Variants in DMD observed in about 807,000 individuals in gnomAD.
DMD encodes the protein mutant dystrophin.
In DMD, 63 loss-of-function variants were observed where a neutral mutation model predicts 330.1. The ratio of observed to expected loss-of-function variants is 0.19; its 90% CI spans 0.16 to 0.24. The LOEUF (loss-of-function observed/expected upper bound fraction) is 0.24, where lower values mean the gene tolerates loss of function less well. Ranked by LOEUF, DMD falls within the 10% of genes least tolerant of loss-of-function variation. DMD has a pLI of 1.00. For missense variants in DMD, 3,344 were observed against 2,684.1 expected (o/e 1.25, Z -5.43); for synonymous variants, 1,223 against 959.8 (o/e 1.27, Z -5.07).
chrX:32,550,869 A>C (rs748976529), intron 16 of DMD, among the ~76,000 whole-genome samples: 13 of 111,377 alleles, frequency 1.2e-4, no homozygotes, highest in Admixed American at 3.8e-4. Context: ...CCCTATGCAC[A>C]CAAGCTAGAA....
intron 1 of DMD, among the ~76,000 whole-genome samples, chrX:33,226,696 TG>T (rs2052296875): frequency 9.0e-6 from 1 of 111,063 alleles, no homozygotes; most frequent in Admixed American, 9.6e-5. Context: ...TCTATAGTTC[TG>T]TGACTTTACC....
At chrX:33,009,743 CAT>C (rs1307342377) in intron 2 of DMD, among the ~76,000 whole-genome samples, 3 of 46,799 alleles carry the variant, frequency 6.4e-5, no homozygotes, top group Non-Finnish European at 1.1e-4. Context: ...TATATACACA[CAT>C]ATGTGTATAT....
intron 56 of DMD, among the ~76,000 whole-genome samples, chrX:31,497,828 A>G (rs1424156919): frequency 1.8e-5 from 2 of 112,473 alleles, no homozygotes; most frequent in African/African-American, 6.4e-5. Flanking sequence ...TAAATTAGAA[A>G]TTATGCTCAA....
chrX:32,825,223 T>C (rs1333155082), intron 4 of DMD, among the ~76,000 whole-genome samples: 3 of 111,463 alleles, frequency 2.7e-5, no homozygotes, highest in Non-Finnish European at 5.7e-5. Context: ...GGTAGATACG[T>C]TTTGGGTTGC....
At chrX:31,208,365 T>C (rs752761348) in intron 65 of DMD, among the ~76,000 whole-genome samples, 2 of 112,197 alleles carry the variant, frequency 1.8e-5, no homozygotes, top group Non-Finnish European at 3.8e-5. Flanking sequence ...GGAGTTAAAA[T>C]TGTCACCAAA....
chrX:31,319,874 T>C (rs991390049), intron 62 of DMD, among the ~76,000 whole-genome samples: 3 of 112,422 alleles, frequency 2.7e-5, no homozygotes, highest in African/African-American at 9.7e-5. Context: ...TATGGGAGCA[T>C]GCAACATAAA....
chrX:32,042,162 C>T (rs2096014420), intron 44 of DMD, among the ~76,000 whole-genome samples: 1 of 59,951 alleles, frequency 1.7e-5, no homozygotes, highest in East Asian at 4.3e-4. Flanking sequence ...TACATATACA[C>T]ACATATGTAT....
intron 2 of DMD, among the ~76,000 whole-genome samples, chrX:32,916,572 G>A (rs1426990835): frequency 9.0e-6 from 1 of 111,196 alleles, no homozygotes; most frequent in Non-Finnish European, 1.9e-5. Context: ...TTGTCTCTCT[G>A]GATAATATAT....
intron 34 of DMD, among the ~76,000 whole-genome samples, chrX:32,372,388 TATC>T (rs987716157): frequency 9.0e-6 from 1 of 111,574 alleles, no homozygotes; most frequent in Non-Finnish European, 1.9e-5. Flanking sequence ...GAGTAGGGGT[TATC>T]ATGAAAGCTC....
At chrX:32,326,187 C>T (rs1448240474) in intron 41 of DMD, among the ~76,000 whole-genome samples, 1 of 111,681 alleles carries the variant, frequency 9.0e-6, no homozygotes, top group African/African-American at 3.3e-5. Flanking sequence ...ATTATCTGAC[C>T]TAATTCCAAA....
Position 32,955,078 on chromosome X carries a change from G to A in DMD, c.93+65061C>T, listed in dbSNP as rs751500510. Among the ~76,000 whole-genome samples the A allele has an allele frequency of 2.7e-5, 3 of 111,795 alleles. No homozygotes were observed. In the East Asian group the frequency reaches 8.5e-4, roughly 32 times the overall value. ...AATGCAGTAATGATATTGCTGGGTT[G>A]ATGGTATTTCTGTCTGTAGGTCTTT... is the stretch of plus-strand genomic sequence containing the variant. On this transcript the variant is annotated intron_variant, in intron 2 of 78. Transcript: ENST00000357033.
At chrX:32,084,621 TTGAATA>T (rs1400078649) in intron 44 of DMD, among the ~76,000 whole-genome samples, 5 of 111,732 alleles carry the variant, frequency 4.5e-5, no homozygotes, top group African/African-American at 1.6e-4. Context: ...TGGTGCCAAA[TTGAATA>T]TGAATATCAG....
intron 74 of DMD, among the ~76,000 whole-genome samples, chrX:31,161,745 C>G (rs986144813): frequency 9.0e-5 from 10 of 111,481 alleles, no homozygotes; most frequent in Non-Finnish European, 1.5e-4. Context: ...ATCTTCATGG[C>G]TTTAGCTTTC....
intron 2 of DMD, among the ~76,000 whole-genome samples, chrX:32,890,805 T>C (rs1281437972): frequency 5.4e-5 from 6 of 111,759 alleles, no homozygotes; most frequent in Admixed American, 3.8e-4. Flanking sequence ...CAAATTTTCA[T>C]TTTGCTTTAT....
At chrX:32,456,215 G>T (rs1033824794) in intron 25 of DMD, among the ~76,000 whole-genome samples, 2 of 110,301 alleles carry the variant, frequency 1.8e-5, no homozygotes, top group African/African-American at 6.6e-5. Context: ...CAACCATTTT[G>T]AGCCTAATAT....
chrX:32,986,600 G>A, intron 2 of DMD, among the ~76,000 whole-genome samples: 1 of 112,036 alleles, frequency 8.9e-6, no homozygotes, highest in African/African-American at 3.2e-5. Flanking sequence ...GCATCCAGAG[G>A]TCTAAAAAAC....
At chrX:33,170,650 C>T (rs1467729077) in intron 1 of DMD, among the ~76,000 whole-genome samples, 2 of 111,551 alleles carry the variant, frequency 1.8e-5, no homozygotes, top group Non-Finnish European at 3.8e-5. Flanking sequence ...TGAGATCTTT[C>T]ATATTATTTT....
At chrX:31,733,613 C>T (rs954962805) in intron 51 of DMD, among the ~76,000 whole-genome samples, 5 of 111,267 alleles carry the variant, frequency 4.5e-5, no homozygotes, top group East Asian at 2.8e-4. Context: ...AAAGAGTTTA[C>T]GGAACCATTT....
chrX:32,039,176 C>T (rs56781832), intron 44 of DMD, among the ~76,000 whole-genome samples: 29,327 of 109,779 alleles, frequency 0.27, 2,892 homozygotes, highest in African/African-American at 0.31. Context: ...AGAAACAACA[C>T]ATACAGTGCT....
Sources: allele counts gnomAD v4.1 joint callset (sites outside exome capture counted in the v4.1 genomes callset), GRCh38; gene constraint gnomAD v4.1.1; transcripts MANE v1.5; gene names NCBI Gene and HGNC (gene_info 2026-07-23, HGNC 2026-07-21).